Variants in EXT2 observed in about 807,000 individuals in gnomAD.
EXT2 encodes the protein exostosin-2.
EXT2 carries 53 observed loss-of-function variants against 81.6 expected under a neutral mutation model. That is an observed-to-expected ratio of 0.65 (90% CI 0.52 to 0.82). The LOEUF (loss-of-function observed/expected upper bound fraction) is 0.82. Ranked by LOEUF, EXT2 falls within the 40% of genes least tolerant of loss-of-function variation. EXT2 has a pLI of 0.00. For missense variants in EXT2, 774 were observed against 910.2 expected (o/e 0.85, Z 1.93); for synonymous variants, 320 against 340.0 (o/e 0.94, Z 0.65).
At chr11:44,203,807 C>T (rs553309264) in intron 9 of EXT2, among the ~76,000 whole-genome samples, 6 of 152,310 alleles carry the variant, frequency 3.9e-5, no homozygotes, top group African/African-American at 1.4e-4. Flanking sequence ...AAGAAAGCCA[C>T]CCCCATGCGC....
At chr11:44,103,963 C>T (rs547709777) in intron 1 of EXT2, among the ~76,000 whole-genome samples, 2 of 152,172 alleles carry the variant, frequency 1.3e-5, no homozygotes, top group South Asian at 4.1e-4. Context: ...GCCTTGTTGA[C>T]CATTTCTATT....
chr11:44,217,683 A>AT (rs369869900), intron 10 of EXT2, among the ~76,000 whole-genome samples: 193 of 150,580 alleles, frequency 1.3e-3, no homozygotes, highest in African/African-American at 4.4e-3. Context: ...TGAATGTTTG[A>AT]TTTTTTTTTT....
rs79318228 is a variant in EXT2 at position 44,184,066 on chromosome 11, T to A, written c.1305+12324T>A. Among the ~76,000 whole-genome samples, 1,259 of 152,334 alleles carry A rather than the reference T, an allele frequency of 8.3e-3. 12 individuals carry two copies. The highest frequency in any genetic ancestry group is 0.013 in the Non-Finnish European group (871 of 68,038). On this transcript the variant is annotated intron_variant, in intron 8 of 13. Coordinates refer to ENST00000533608, the MANE Select transcript of EXT2 (RefSeq NM_207122.2). ...ATAAGGAGGTATTTTCCAGAGAATT[T>A]GTTTTTGTTTATTTTGCTTCTTCAA...
chr11:44,119,169 T>TACACACACAC (rs1555004305), intron 4 of EXT2, among the ~76,000 whole-genome samples: 1 of 63,130 alleles, frequency 1.6e-5, no homozygotes, highest in African/African-American at 5.9e-5. Context: ...TATATATATA[T>TACACACACAC]ACACATACAC....
At chr11:44,212,127 T>C (rs1955655165) in intron 10 of EXT2, among the ~76,000 whole-genome samples, 1 of 151,244 alleles carries the variant, frequency 6.6e-6, no homozygotes, top group Admixed American at 6.6e-5. Flanking sequence ...CCACTAAAAA[T>C]ACAAAAAATT....
intron 6 of EXT2, among the ~76,000 whole-genome samples, chr11:44,128,420 A>C (rs758222568): frequency 3.9e-5 from 6 of 152,364 alleles, no homozygotes; most frequent in Admixed American, 2.6e-4. Context: ...GAAAGCATCC[A>C]TTAAGTACCT....
intron 3 of EXT2, among the ~76,000 whole-genome samples, chr11:44,112,602 G>A (rs1235966138): frequency 2.0e-5 from 3 of 152,168 alleles, no homozygotes; most frequent in African/African-American, 7.2e-5. Flanking sequence ...CATGCCAGTA[G>A]CAGGGCTGGC....
chr11:44,200,151 T>TAA (rs965705996), intron 9 of EXT2, among the ~76,000 whole-genome samples: 4 of 131,900 alleles, frequency 3.0e-5, no homozygotes, highest in African/African-American at 1.1e-4. Context: ...ATATATATTA[T>TAA]AAAAAAAAAA....
Position 44,247,157 on chromosome 11 carries a change from C to A in EXT2, c.*2870C>A, listed in dbSNP as rs902236803. 2.6e-5 allele frequency among the ~76,000 whole-genome samples: 4 copies of A among 151,920 alleles called. No individual in the cohort carries two copies. The highest frequency in any genetic ancestry group is 4.4e-5 in the Non-Finnish European group (3 of 67,982). On this transcript the variant is annotated 3_prime_UTR_variant, in exon 14 of 14. Coordinates refer to ENST00000533608, the MANE Select transcript of EXT2 (RefSeq NM_207122.2). ...CCTCACACATTTAGGTATAAACCTC[C>A]TTTTCTGGGAGAATTAAAGAGAAAA...
chr11:44,167,382 A>G (rs1000385819), intron 7 of EXT2, among the ~76,000 whole-genome samples: 1 of 152,198 alleles, frequency 6.6e-6, no homozygotes, highest in Non-Finnish European at 1.5e-5. Context: ...TGCTGGTGAG[A>G]GGTTGGTATT....
chr11:44,239,267 G>A lies in EXT2; in HGVS notation c.2018+2892G>A, dbSNP rs78973895. 4.9e-3 allele frequency among the ~76,000 whole-genome samples: 743 copies of A among 152,196 alleles called. 6 individuals carry two copies. The highest frequency in any genetic ancestry group is 0.017 in the African/African-American group (719 of 41,532). On this transcript the variant is annotated intron_variant, in intron 13 of 13. Transcript: ENST00000533608. ...GGTTTAGGAGGAGATGCTGATTAGG[G>A]GAGAGATTAGAGTGAACTGCTGGAC...
intron 8 of EXT2, 94 bp from the exon 9 acceptor site, chr11:44,197,735 A>G (rs1468568859): frequency 1.5e-5 from 20 of 1,323,484 alleles, no homozygotes; most frequent in South Asian, 4.7e-5. Context: ...GGTAAAAGCC[A>G]CCAAGCCTGC....
chr11:44,196,918 C>T (rs554483565), intron 8 of EXT2, among the ~76,000 whole-genome samples: 2 of 152,246 alleles, frequency 1.3e-5, no homozygotes, highest in Admixed American at 6.5e-5. Context: ...GAGAGGGAAG[C>T]GCTGAAAAGC....
At position 44,251,572 on chromosome 11, in the gene EXT2, G is replaced by C. The variant is rs1048249713; in HGVS notation, c.*7285G>C. On this transcript the variant is annotated 3_prime_UTR_variant, in exon 14 of 14. Coordinates refer to ENST00000533608, the MANE Select transcript of EXT2 (RefSeq NM_207122.2). Reference sequence around the variant, plus strand: ...TTACTTCTCGGTACAGATTACTCTGGTTAAATCACTCAGTAAAGAAATCTT... The same window carrying C: ...TTACTTCTCGGTACAGATTACTCTGCTTAAATCACTCAGTAAAGAAATCTT... Among the ~76,000 whole-genome samples the C allele has an allele frequency of 1.5e-4, 23 of 152,152 alleles. No individual in the cohort carries two copies. Among genetic ancestry groups the C allele is most frequent in the African/African-American group, 5.6e-4 (23 of 41,430 alleles).
At position 44,206,776 on chromosome 11, in the gene EXT2, C is replaced by A. The variant is rs1370105753; in HGVS notation, c.1496-17C>A. The A allele has an allele frequency of 6.2e-7, 1 of 1,613,736 alleles. No homozygotes were observed. The highest frequency in any genetic ancestry group is 8.5e-7 in the Non-Finnish European group (1 of 1,179,848). On this transcript the variant is annotated splice_polypyrimidine_tract_variant and intron_variant, in intron 9 of 13. Transcript: ENST00000533608. ...CAAAAGTTAGGAGAATAGTAAATACCTTTTCTCTTTTTCCAGATTCTCTCT... is the reference window on the plus strand; with the variant it reads ...CAAAAGTTAGGAGAATAGTAAATACATTTTCTCTTTTTCCAGATTCTCTCT...
At chr11:44,225,119 G>A (rs757043093) in intron 10 of EXT2, among the ~76,000 whole-genome samples, 12 of 152,074 alleles carry the variant, frequency 7.9e-5, no homozygotes, top group African/African-American at 1.7e-4. Context: ...GAAAACCCAC[G>A]ACCTGATCCT....
At chr11:44,096,049 C>T (rs929890251) in intron 1 of EXT2, 197 bp downstream of exon 1, 4 of 640,908 alleles carry the variant, frequency 6.2e-6, no homozygotes, top group African/African-American at 1.8e-5. Context: ...TGGAGCGCTC[C>T]GATTTCCACT....
At chr11:44,132,685 G>C (rs1488082471) in intron 7 of EXT2, among the ~76,000 whole-genome samples, 11 of 152,136 alleles carry the variant, frequency 7.2e-5, no homozygotes, top group African/African-American at 2.7e-4. Flanking sequence ...AGGGCCACTT[G>C]CCTCCTCTAG....
At chr11:44,095,979 C>T in intron 1 of EXT2, 127 bp downstream of exon 1, 2 of 488,862 alleles carry the variant, frequency 4.1e-6, no homozygotes, top group Non-Finnish European at 7.6e-6. Context: ...CGTGGAGGCC[C>T]GTGGGCTGCG....
Sources: allele counts gnomAD v4.1 joint callset (sites outside exome capture counted in the v4.1 genomes callset), GRCh38; gene constraint gnomAD v4.1.1; transcripts MANE v1.5; gene names NCBI Gene and HGNC (gene_info 2026-07-23, HGNC 2026-07-21).